ROBO1: variants seen among roughly 807,000 people sequenced by gnomAD.
ROBO1 encodes the protein roundabout homolog 1.
A neutral mutation model predicts 195.9 loss-of-function variants in ROBO1; 149 were observed. The observed-to-expected ratio is 0.76, with a 90% CI of 0.67 to 0.87. The LOEUF (loss-of-function observed/expected upper bound fraction) is 0.87, where lower values mean the gene tolerates loss of function less well. Among genes scored for constraint, ROBO1 ranks in the 40% least tolerant of loss-of-function variants. The pLI is 0.00. For missense variants in ROBO1, 1,933 were observed against 2,068.3 expected, an observed-to-expected ratio of 0.93 and a Z score of 1.27; for synonymous variants, 816 against 733.2, an observed-to-expected ratio of 1.11 and a Z score of -1.82.
intron 2 of ROBO1, among the ~76,000 whole-genome samples, chr3:79,276,276 T>C (rs375508055): frequency 2.6e-5 from 4 of 151,928 alleles, no homozygotes; most frequent in South Asian, 2.1e-4. Context: ...AAAAGAGACA[T>C]ATAAACCAAA....
intron 8 of ROBO1, among the ~76,000 whole-genome samples, chr3:78,707,945 G>A (rs1332218902): frequency 6.6e-6 from 1 of 152,182 alleles, no homozygotes. Flanking sequence ...AAAAGGTGAT[G>A]GCTTGGGAAA....
intron 2 of ROBO1, among the ~76,000 whole-genome samples, chr3:79,173,705 C>T (rs1399796817): frequency 1.1e-4 from 17 of 152,164 alleles, no homozygotes; most frequent in East Asian, 9.7e-4. Context: ...CTGAGGAGTG[C>T]GGGCACAGGG....
chr3:79,760,268 A>AAAAAAAC, intron 1 of ROBO1, among the ~76,000 whole-genome samples: 1 of 146,498 alleles, frequency 6.8e-6, no homozygotes. Context: ...AAAAAAAAAA[A>AAAAAAAC]AAAGCACAAG....
intron 26 of ROBO1, among the ~76,000 whole-genome samples, chr3:78,620,867 T>A (rs559400704): frequency 1.2e-5 from 1 of 86,630 alleles, no homozygotes; most frequent in Admixed American, 1.4e-4. Flanking sequence ...TAAGTGTAAA[T>A]ATATTATATA....
chr3:78,646,395 T>A (rs1276873639), intron 20 of ROBO1, among the ~76,000 whole-genome samples: 4 of 150,294 alleles, frequency 2.7e-5, no homozygotes, highest in Non-Finnish European at 5.9e-5. Context: ...ATATCATATA[T>A]CTAATTATAT....
intron 1 of ROBO1, among the ~76,000 whole-genome samples, chr3:79,766,332 G>T (rs1559567417): frequency 2.0e-5 from 3 of 151,252 alleles, no homozygotes; most frequent in Non-Finnish European, 4.4e-5. Flanking sequence ...TCTTGGGGGC[G>T]CAGGTCCTCT....
chr3:78,876,896 T>A (rs1249827029), intron 4 of ROBO1, among the ~76,000 whole-genome samples: 1 of 152,144 alleles, frequency 6.6e-6, no homozygotes, highest in East Asian at 1.9e-4. Flanking sequence ...CTATTTGAAC[T>A]ATTAAGACCC....
intron 2 of ROBO1, among the ~76,000 whole-genome samples, chr3:79,129,680 G>T (rs984508245): frequency 6.6e-6 from 1 of 152,050 alleles, no homozygotes; most frequent in African/African-American, 2.4e-5. Flanking sequence ...AAATATGTAT[G>T]CATACATTGT....
At chr3:78,733,650 T>C (rs1046944822) in intron 5 of ROBO1, among the ~76,000 whole-genome samples, 5 of 152,198 alleles carry the variant, frequency 3.3e-5, no homozygotes, top group African/African-American at 4.8e-5. Flanking sequence ...TAATGGAACA[T>C]TGAGAATTAA....
intron 4 of ROBO1, among the ~76,000 whole-genome samples, chr3:78,864,744 T>C (rs1475725102): frequency 6.6e-6 from 1 of 151,962 alleles, no homozygotes; most frequent in Non-Finnish European, 1.5e-5. Flanking sequence ...ACATACACTA[T>C]GTTCTTTTGT....
intron 3 of ROBO1, among the ~76,000 whole-genome samples, chr3:78,939,931 G>A (rs2107693775): frequency 6.6e-6 from 1 of 152,128 alleles, no homozygotes; most frequent in East Asian, 1.9e-4. Context: ...GAGTGTCTAT[G>A]TCACTTAAAT....
chr3:78,655,537 C>A (rs1310593641), intron 18 of ROBO1, among the ~76,000 whole-genome samples: 2 of 152,178 alleles, frequency 1.3e-5, no homozygotes, highest in African/African-American at 4.8e-5. Flanking sequence ...CCCCACCCCA[C>A]AAGTGGACTT....
In ROBO1 at chr3:79,206,568, G is replaced by T. The variant is rs1486512070; in HGVS notation, c.89-81029C>A. 3.3e-5 allele frequency among the ~76,000 whole-genome samples: 5 copies of T among 152,088 alleles called. No homozygotes were observed. The East Asian group carries it at 7.7e-4, about 23-fold the overall frequency. On this transcript the variant is annotated intron_variant, in intron 2 of 30. Coordinates refer to ENST00000464233, the MANE Select transcript of ROBO1 (RefSeq NM_002941.4). ...CTGTAGTTTCAGGCATCTACTGGGG[G>T]TCTTGAAACATATCCCCTGAGGACA...
intron 1 of ROBO1, among the ~76,000 whole-genome samples, chr3:79,706,162 C>G (rs1947764261): frequency 6.6e-6 from 1 of 151,910 alleles, no homozygotes; most frequent in African/African-American, 2.4e-5. Flanking sequence ...TGTTTTGTTG[C>G]ATTAGCTAGG....
chr3:79,140,727 A>C (rs1032648372), intron 2 of ROBO1, among the ~76,000 whole-genome samples: 1 of 152,208 alleles, frequency 6.6e-6, no homozygotes, highest in Non-Finnish European at 1.5e-5. Context: ...GAGTTTATAG[A>C]AGAGAAAAAG....
intron 2 of ROBO1, among the ~76,000 whole-genome samples, chr3:79,214,875 C>T (rs1437608409): frequency 1.3e-5 from 2 of 148,930 alleles, no homozygotes; most frequent in Admixed American, 6.7e-5. Flanking sequence ...CTTCCCTAAC[C>T]GCCCTCAACT....
chr3:79,021,907 G>T (rs1423565636), intron 3 of ROBO1, among the ~76,000 whole-genome samples: 1 of 152,100 alleles, frequency 6.6e-6, no homozygotes, highest in Non-Finnish European at 1.5e-5. Flanking sequence ...TGATGCACCC[G>T]CCTTGGCCTC....
chr3:79,129,070 C>A (rs1189351379), intron 2 of ROBO1, among the ~76,000 whole-genome samples: 1 of 152,156 alleles, frequency 6.6e-6, no homozygotes, highest in Non-Finnish European at 1.5e-5. Context: ...GCTCTACCAA[C>A]AACCAAATTT....
intron 2 of ROBO1, among the ~76,000 whole-genome samples, chr3:79,236,655 G>A (rs2082411636): frequency 6.6e-6 from 1 of 152,072 alleles, no homozygotes; most frequent in African/African-American, 2.4e-5. Flanking sequence ...TGAATCACTA[G>A]TTTTGTGGTA....
Sources: allele counts gnomAD v4.1 joint callset (sites outside exome capture counted in the v4.1 genomes callset), GRCh38; gene constraint gnomAD v4.1.1; transcripts MANE v1.5; gene names NCBI Gene and HGNC (gene_info 2026-07-23, HGNC 2026-07-21).